RRBP1: variants seen among roughly 807,000 people sequenced by gnomAD.
RRBP1 encodes ribosome-binding protein 1.
In RRBP1, 94 loss-of-function variants were observed where a neutral mutation model predicts 165.2. The observed-to-expected ratio is 0.57, with a 90% CI of 0.48 to 0.68. The LOEUF is 0.68. RRBP1 is among the 30% of genes least tolerant of loss of function. The pLI is 0.00. For synonymous variants in RRBP1, 680 were observed against 714.5 expected, an observed-to-expected ratio of 0.95 and a Z score of 0.77; for missense variants, 1,676 against 1,763.0, an observed-to-expected ratio of 0.95 and a Z score of 0.88.
chr20:17,641,950 G>A (rs758655349), intron 4 of RRBP1, 31 bp from the exon 5 acceptor site: 3 of 1,599,058 alleles, frequency 1.9e-6, no homozygotes, highest in African/African-American at 2.7e-5. Flanking sequence ...GTTAACAGAG[G>A]GGACAAATGG....
Position 17,643,269 on chromosome 20 carries a change from C to G in RRBP1, c.1913-142G>C. 1 of 787,354 alleles carries G rather than the reference C, an allele frequency of 1.3e-6. No individual in the cohort carries two copies. The allele number at this position is 787,354 out of a possible 1,614,324, so 48.8% of individuals were successfully genotyped here. A position where few individuals can be genotyped will look rare whatever the true frequency, so the allele number is the denominator to read the frequency against. On this transcript the variant is annotated intron_variant, in intron 3 of 24. Transcript: ENST00000377813. This position sits in a 1 kb window ranked among gnomAD's most constrained non-coding sequence, Gnocchi z 4.3. ...CTTGGGGTCAGCAGGCTGAGCATGG[C>G]GAGTCTGCTCCAGTGTCTCCTGCTC...
chr20:17,654,409 T>C (rs548139942), intron 3 of RRBP1, among the ~76,000 whole-genome samples: 2 of 152,350 alleles, frequency 1.3e-5, no homozygotes, highest in South Asian at 2.1e-4. Flanking sequence ...ACGGGTTTTC[T>C]GTGGATAAAC....
At chr20:17,619,770 C>A (rs1828638313) in intron 18 of RRBP1, 42 bp from the exon 19 acceptor site, 1 of 1,472,996 alleles carries the variant, frequency 6.8e-7, no homozygotes, top group Non-Finnish European at 9.3e-7. Context: ...CGCCAGCAGC[C>A]TCTGCTCAAA....
rs1600752441 is a variant in RRBP1 at position 17,642,910 on chromosome 20, G to C, written c.2061+69C>G. 2.0e-6 allele frequency: 3 copies of C among 1,527,320 alleles called. No individual in the cohort carries two copies. The East Asian group carries it at 6.8e-5, about 35-fold the overall frequency. The allele number at this position is 1,527,320 out of a possible 1,614,324, so 94.6% of individuals were successfully genotyped here. ...CTATGAATGTCCTCTCTGTGGCAGA[G>C]GGAAGGGCAAAACCACCCTAGCCAG... On this transcript the variant is annotated intron_variant, in intron 4 of 24. Coordinates refer to ENST00000377813, the MANE Select transcript of RRBP1 (RefSeq NM_001365613.2).
rs2036235806 is a variant in RRBP1, at chr20:17,635,747, C to G, written c.2338-83G>C. Reference sequence around the variant, plus strand: ...TTCTGAGCAGTGGTTAGTGAAGACACAGCCCACAAAAGAAAACCCCCAAAA... The same window carrying G: ...TTCTGAGCAGTGGTTAGTGAAGACAGAGCCCACAAAAGAAAACCCCCAAAA... On this transcript the variant is annotated intron_variant, in intron 6 of 24. Transcript: ENST00000377813. 7 of 1,033,752 alleles carry G rather than the reference C, an allele frequency of 6.8e-6. No homozygotes were observed. In the Admixed American group the frequency reaches 9.7e-5, roughly 14 times the overall value. 64.0% of individuals were successfully genotyped at this position (1,033,752 alleles called of 1,614,324 possible).
intron 16 of RRBP1, 21 bp from the exon 17 acceptor site, chr20:17,620,828 G>A: frequency 1.3e-6 from 2 of 1,575,934 alleles, no homozygotes; most frequent in Non-Finnish European, 1.7e-6. Context: ...ACCGAGGTGA[G>A]GCAGGGCCCT....
In RRBP1 at chr20:17,621,954, G is replaced by C. The variant is rs757368681; in HGVS notation, c.3148-7C>G. 1 of 1,601,382 alleles carries C rather than the reference G, an allele frequency of 6.2e-7. No individual in the cohort carries two copies. Among genetic ancestry groups the C allele is most frequent in the South Asian group, 1.1e-5 (1 of 90,770 alleles). On this transcript the variant is annotated splice_region_variant and splice_polypyrimidine_tract_variant and intron_variant, in intron 13 of 24. Transcript: ENST00000377813. The stretch of plus-strand genomic sequence containing the variant: ...GCTGCTTCTCCGATTCCTCCTGGGG[G>C]GTGGGTGGGGAAGAGCGGAAGGTGT...
intron 5 of RRBP1, among the ~76,000 whole-genome samples, chr20:17,637,771 T>C (rs2036274882): frequency 6.6e-6 from 1 of 152,190 alleles, no homozygotes; most frequent in Non-Finnish European, 1.5e-5. Context: ...GCCTCACTTT[T>C]CAAAGACAAT....
At chr20:17,627,803 CTG>C (rs894496860) in intron 9 of RRBP1, 121 bp from the exon 10 acceptor site, 2 of 924,772 alleles carry the variant, frequency 2.2e-6, no homozygotes, top group African/African-American at 1.7e-5. Flanking sequence ...CCTGCCTCCT[CTG>C]TGTGTCTGGG....
chr20:17,629,868 G>A lies in RRBP1; in HGVS notation c.2704C>T (p.Arg902Trp), dbSNP rs112056169. ...CHTQSSHASL[R>W]ADAEKAQEQQ... Reference sequence around the variant, plus strand: ...TCCTGGGCCTTCTCGGCATCCGCCCGGAGGCTGGCGTGGCTGCTCTGCGTG... The same window carrying A: ...TCCTGGGCCTTCTCGGCATCCGCCCAGAGGCTGGCGTGGCTGCTCTGCGTG... Residue 902 changes from arginine (R) to tryptophan (W), a missense_variant, in exon 9 of 25, where the codon CGG (arginine) becomes TGG (tryptophan). By Grantham distance (101) the Arg-to-Trp change is moderately radical. This residue lies in a region of RRBP1 where 1,184 missense variants were observed against 1,167.1 expected (regional missense o/e 1.01). Coordinates refer to ENST00000377813, the MANE Select transcript of RRBP1 (RefSeq NM_001365613.2). 49 of 1,600,096 alleles carry A rather than the reference G, an allele frequency of 3.1e-5. No individual in the cohort carries two copies. Among genetic ancestry groups the A allele is most frequent in the Admixed American group, 3.0e-4 (18 of 59,982 alleles).
chr20:17,661,576 A>T (rs2036767321), intron 2 of RRBP1, among the ~76,000 whole-genome samples: 1 of 152,228 alleles, frequency 6.6e-6, no homozygotes, highest in African/African-American at 2.4e-5. Context: ...TTCACTGAGG[A>T]ACTCCAGGAG....
chr20:17,645,151 G>A (rs1181463699), intron 3 of RRBP1, among the ~76,000 whole-genome samples: 3 of 152,132 alleles, frequency 2.0e-5, no homozygotes, highest in Non-Finnish European at 2.9e-5. Flanking sequence ...CAGGCCCCAC[G>A]GCCCCTACTG....
chr20:17,632,698 G>A (rs1341337522), intron 8 of RRBP1, among the ~76,000 whole-genome samples: 4 of 152,114 alleles, frequency 2.6e-5, no homozygotes, highest in East Asian at 3.9e-4. Context: ...AAACCCAAGT[G>A]GGCATGACAT....
chr20:17,666,620 C>T (rs1386031773), intron 2 of RRBP1, among the ~76,000 whole-genome samples: 1 of 152,108 alleles, frequency 6.6e-6, no homozygotes, highest in Admixed American at 6.5e-5. Context: ...TTGTTTCTTG[C>T]TTTCCAAACC....
In RRBP1 at chr20:17,660,571, C is replaced by A. The variant is rs3748499; in HGVS notation, c.-21-43G>T. The A allele has an allele frequency of 4.9e-3, 5,972 of 1,210,464 alleles. 335 individuals are homozygous for A. The East Asian group carries it at 0.12, about 25-fold the overall frequency. 75.0% of individuals were successfully genotyped at this position (1,210,464 alleles called of 1,614,324 possible). A position where few individuals can be genotyped will look rare whatever the true frequency, so the allele number is the denominator to read the frequency against. ...AGGTTACTATTTATAGAAATCAAGG[C>A]CTTCAACAGTTTCTATCCCCACCCT... On this transcript the variant is annotated intron_variant, in intron 2 of 24. Coordinates refer to ENST00000377813, the MANE Select transcript of RRBP1 (RefSeq NM_001365613.2).
rs773523395 is a variant in RRBP1, at chr20:17,613,830, C to T, written c.*352G>A. ...GCCCGGTCCCACCCGCTTCCCGCCC[C>T]GCCCCACTGAAAAAACACTAAACGA... On this transcript the variant is annotated 3_prime_UTR_variant, in exon 25 of 25. Coordinates refer to ENST00000377813, the MANE Select transcript of RRBP1 (RefSeq NM_001365613.2). The T allele has an allele frequency of 7.3e-5, 17 of 233,728 alleles. No homozygotes were observed. The highest frequency in any genetic ancestry group is 1.2e-4 in the Non-Finnish European group (14 of 116,968). The allele number at this position is 233,728 out of a possible 1,614,324, so 14.5% of individuals were successfully genotyped here.
Position 17,618,770 on chromosome 20 carries a change from AAC to A in RRBP1, c.3676-93_3676-92del, listed in dbSNP as rs2035851284. 5.1e-6 allele frequency: 5 copies of A among 988,090 alleles called. 1 individual carries two copies. Among genetic ancestry groups the A allele is most frequent in the Admixed American group, 3.8e-5 (2 of 52,456 alleles). 61.2% of individuals were successfully genotyped at this position (988,090 alleles called of 1,614,324 possible). A position where few individuals can be genotyped will look rare whatever the true frequency, so the allele number is the denominator to read the frequency against. ...GAGTTAGCGCCGAAACATAAAACCT[AAC>A]ACATCCACTTAACCAAAACCCTGAG... On this transcript the variant is annotated intron_variant, in intron 19 of 24. Transcript: ENST00000377813.
At chr20:17,644,907 G>C (rs2036435504) in intron 3 of RRBP1, among the ~76,000 whole-genome samples, 1 of 152,230 alleles carries the variant, frequency 6.6e-6, no homozygotes, top group South Asian at 2.1e-4. Flanking sequence ...CAGTCCATTT[G>C]TTTCTTGCTG....
At chr20:17,678,993 C>T (rs1306200549) in intron 2 of RRBP1, among the ~76,000 whole-genome samples, 4 of 152,200 alleles carry the variant, frequency 2.6e-5, no homozygotes, top group African/African-American at 9.7e-5. Flanking sequence ...TCTGTGTCCT[C>T]CCTTGGGTAA....
Sources: gnomAD v4.1 joint callset for allele counts (sites outside exome capture counted in the v4.1 genomes callset) on GRCh38, gnomAD v4.1.1 for gene constraint, gnomAD v4.1.1 regional missense constraint, Gnocchi (gnomAD v3.1) non-coding constraint, MANE v1.5 for transcripts, NCBI Gene and HGNC (gene_info 2026-07-23, HGNC 2026-07-21) for gene names.